MAPK8: variants seen among roughly 807,000 people sequenced by gnomAD.
MAPK8 encodes the protein mitogen-activated protein kinase 8.
Under a neutral mutation model 52.9 loss-of-function variants are expected in MAPK8, and 13 were observed. That is an observed-to-expected ratio of 0.25 (90% CI 0.16 to 0.39). The LOEUF is 0.39. Among genes scored for constraint, MAPK8 ranks in the 10% least tolerant of loss-of-function variants. The pLI, the probability that MAPK8 is intolerant of heterozygous loss-of-function variation, is 1.00. For synonymous variants in MAPK8, 191 were observed against 169.8 expected, an observed-to-expected ratio of 1.12 and a Z score of -0.97; for missense variants, 300 against 519.2, an observed-to-expected ratio of 0.58 and a Z score of 4.10.
intron 1 of MAPK8, among the ~76,000 whole-genome samples, chr10:48,367,374 A>AAAAG (rs1564537672): frequency 6.6e-6 from 1 of 150,786 alleles, no homozygotes; most frequent in Non-Finnish European, 1.5e-5. Flanking sequence ...TTAAAAATTA[A>AAAAG]AAATAAATAA....
intron 6 of MAPK8, among the ~76,000 whole-genome samples, chr10:48,422,975 GT>G (rs1293135002): frequency 6.6e-6 from 1 of 152,066 alleles, no homozygotes; most frequent in Non-Finnish European, 1.5e-5. Context: ...TATTTGTGCC[GT>G]TTTCCACTTG....
At chr10:48,378,945 G>A (rs914421853) in intron 1 of MAPK8, among the ~76,000 whole-genome samples, 4 of 152,176 alleles carry the variant, frequency 2.6e-5, no homozygotes, top group Admixed American at 1.3e-4. Context: ...CTTTTCTACC[G>A]AAGAGAAATA....
chr10:48,380,094 T>G (rs938745974), intron 1 of MAPK8, among the ~76,000 whole-genome samples: 1 of 151,750 alleles, frequency 6.6e-6, no homozygotes, highest in African/African-American at 2.4e-5. Context: ...ATACAAAAAT[T>G]AGCCGGGCAT....
chr10:48,335,817 A>G (rs1212506326), intron 1 of MAPK8, among the ~76,000 whole-genome samples: 4 of 152,184 alleles, frequency 2.6e-5, no homozygotes, highest in Admixed American at 2.0e-4. Flanking sequence ...TATGTGCTAC[A>G]CCAGAATTTA....
intron 1 of MAPK8, among the ~76,000 whole-genome samples, chr10:48,373,598 A>AAAAAAG (rs2040463886): frequency 6.8e-6 from 1 of 147,416 alleles, no homozygotes; most frequent in Non-Finnish European, 1.5e-5. Context: ...AAAAAAAAAA[A>AAAAAAG]GCCAGGGTTG....
chr10:48,427,094 C>G lies in MAPK8; in HGVS notation c.1011C>G (p.Ile337Met), dbSNP rs1427342522. ...GTGTTTTTCAGCCACCACCAAAGAT[C>G]CCTGACAAGCAGTTAGATGAAAGGG... ...PSEAEAPPPK[I>M]PDKQLDEREH... The change falls in exon 10 of 12, where the codon ATC (isoleucine) becomes ATG (methionine). Residue 337 changes from isoleucine to methionine, a missense_variant. This residue lies in a region of MAPK8 where 119 missense variants were observed against 154.4 expected (regional missense o/e 0.77). Transcript: ENST00000374189. 6.2e-7 allele frequency: 1 copy of G among 1,613,010 alleles called. No individual in the cohort carries two copies. Among genetic ancestry groups the G allele is most frequent in the Non-Finnish European group, 8.5e-7 (1 of 1,179,350 alleles).
intron 1 of MAPK8, among the ~76,000 whole-genome samples, chr10:48,323,322 TGTG>T (rs1311365016): frequency 6.6e-6 from 1 of 152,184 alleles, no homozygotes; most frequent in East Asian, 1.9e-4. Context: ...ATCTAGGTAT[TGTG>T]GGGGTGGCTT....
chr10:48,425,435 C>T (rs1436042659), intron 7 of MAPK8: 12 of 430,092 alleles, frequency 2.8e-5, no homozygotes, highest in Non-Finnish European at 4.1e-5. Flanking sequence ...TGATTATTTT[C>T]TGTTAGTGTA....
At chr10:48,418,177 A>C (rs1225047023) in intron 5 of MAPK8, among the ~76,000 whole-genome samples, 2 of 152,204 alleles carry the variant, frequency 1.3e-5, no homozygotes, top group Non-Finnish European at 2.9e-5. Flanking sequence ...GTGGCTGTGC[A>C]GGTGACAGCT....
intron 1 of MAPK8, among the ~76,000 whole-genome samples, chr10:48,373,084 A>G (rs746076675): frequency 7.9e-5 from 12 of 152,182 alleles, no homozygotes; most frequent in Non-Finnish European, 1.3e-4. Context: ...CTAATATTCA[A>G]CATTCTTAAA....
intron 1 of MAPK8, among the ~76,000 whole-genome samples, chr10:48,383,479 T>G (rs914861482): frequency 6.6e-6 from 1 of 152,220 alleles, no homozygotes; most frequent in Admixed American, 6.5e-5. Context: ...GTTTCTCTCC[T>G]AAGCTAAAGA....
intron 10 of MAPK8, 58 bp from the exon 11 acceptor site, chr10:48,431,135 C>A: frequency 9.5e-7 from 1 of 1,047,974 alleles, no homozygotes; most frequent in Non-Finnish European, 1.5e-6. Context: ...ACCATACATG[C>A]GTTGTGAGAT....
intron 1 of MAPK8, among the ~76,000 whole-genome samples, chr10:48,321,380 C>T (rs890201123): frequency 2.0e-5 from 3 of 152,152 alleles, no homozygotes; most frequent in African/African-American, 7.2e-5. Context: ...GCTTCCTTGC[C>T]TGGCCAAAGA....
chr10:48,320,307 G>C (rs1041678134), intron 1 of MAPK8, among the ~76,000 whole-genome samples: 3 of 141,288 alleles, frequency 2.1e-5, no homozygotes, highest in Non-Finnish European at 4.5e-5. Context: ...CCATGATCGT[G>C]GCTCACTACA....
Position 48,360,236 on chromosome 10 carries a change from A to C in MAPK8, c.-49-41376A>C, listed in dbSNP as rs184671170. Among the ~76,000 whole-genome samples, 248 of 152,312 alleles carry C rather than the reference A, an allele frequency of 1.6e-3. 1 individual carries two copies. Among genetic ancestry groups the C allele is most frequent in the Admixed American group, 5.6e-3 (85 of 15,292 alleles). On this transcript the variant is annotated intron_variant, in intron 1 of 11. Transcript: ENST00000374189. The stretch of plus-strand genomic sequence containing the variant: ...CTAGAAAGAGACTTCAAAAATAGGA[A>C]AACTGAAAGGAAAGTATACAGAAAA...
intron 1 of MAPK8, among the ~76,000 whole-genome samples, chr10:48,390,932 A>G (rs1036946799): frequency 1.1e-4 from 16 of 152,224 alleles, no homozygotes; most frequent in Non-Finnish European, 2.1e-4. Context: ...ATAGTCTGAT[A>G]ATAAAATCTG....
At chr10:48,324,502 A>AGTTTTTTTTTTTTTG (rs1843291213) in intron 1 of MAPK8, among the ~76,000 whole-genome samples, 1 of 54,358 alleles carries the variant, frequency 1.8e-5, no homozygotes, top group Admixed American at 2.7e-4. Context: ...CCTGTTTTCT[A>AGTTTTTTTTTTTTTG]GTTTTTTTTT....
chr10:48,405,893 A>G (rs79370658), intron 3 of MAPK8, among the ~76,000 whole-genome samples: 1 of 362 alleles, frequency 2.8e-3, no homozygotes, highest in Non-Finnish European at 0.045. Context: ...TTATCAAGGG[A>G]AAAAAAAATC....
At chr10:48,336,703 G>A (rs1368800634) in intron 1 of MAPK8, among the ~76,000 whole-genome samples, 1 of 152,140 alleles carries the variant, frequency 6.6e-6, no homozygotes, top group African/African-American at 2.4e-5. Context: ...CCTGTGGGTT[G>A]CTTAGCCCCT....
Sources: gnomAD v4.1 joint callset for allele counts (sites outside exome capture counted in the v4.1 genomes callset) on GRCh38, gnomAD v4.1.1 for gene constraint, gnomAD v4.1.1 regional missense constraint, MANE v1.5 for transcripts, NCBI Gene and HGNC (gene_info 2026-07-23, HGNC 2026-07-21) for gene names.